Variants in ATRNL1 observed in about 807,000 individuals in gnomAD.
ATRNL1 encodes the protein attractin-like protein 1.
In ATRNL1, 95 loss-of-function variants were observed where a neutral mutation model predicts 182.7. The ratio of observed to expected loss-of-function variants is 0.52; its 90% CI spans 0.44 to 0.62. ATRNL1 has a LOEUF of 0.62. Ranked by LOEUF, ATRNL1 falls within the 20% of genes least tolerant of loss-of-function variation. The probability of loss-of-function intolerance (pLI) is 0.00; values close to 1 mark genes in which losing one functional copy is unlikely to be tolerated. For missense variants in ATRNL1, 1,471 were observed against 1,679.5 expected (o/e 0.88, Z 2.17); for synonymous variants, 576 against 568.3 (o/e 1.01, Z -0.19).
chr10:115,582,113 G>T (rs1375812057), intron 26 of ATRNL1, among the ~76,000 whole-genome samples: 1 of 151,952 alleles, frequency 6.6e-6, no homozygotes, highest in Non-Finnish European at 1.5e-5. Context: ...CATGGTGTAT[G>T]TGTGCCACAT....
chr10:115,780,462 T>G (rs1314383096), intron 27 of ATRNL1, among the ~76,000 whole-genome samples: 1 of 152,124 alleles, frequency 6.6e-6, no homozygotes, highest in Non-Finnish European at 1.5e-5. Context: ...CAGGACCTAG[T>G]GAGACACTAG....
intron 28 of ATRNL1, among the ~76,000 whole-genome samples, chr10:115,940,996 G>C (rs544122504): frequency 6.6e-6 from 1 of 152,164 alleles, no homozygotes; most frequent in Non-Finnish European, 1.5e-5. Flanking sequence ...GCCACAAGCC[G>C]TGGGGTCCAG....
At chr10:115,335,355 A>T (rs1564926556) in intron 19 of ATRNL1, among the ~76,000 whole-genome samples, 4 of 151,646 alleles carry the variant, frequency 2.6e-5, no homozygotes, top group African/African-American at 9.7e-5. Context: ...TGGTTAGATA[A>T]TTTTTTTTTA....
At chr10:115,111,135 T>G (rs1285405778) in intron 1 of ATRNL1, among the ~76,000 whole-genome samples, 3 of 152,192 alleles carry the variant, frequency 2.0e-5, no homozygotes, top group Non-Finnish European at 4.4e-5. Context: ...GGGAAGAGAT[T>G]GATCTTATCA....
intron 26 of ATRNL1, among the ~76,000 whole-genome samples, chr10:115,611,253 T>C (rs1347512527): frequency 6.6e-5 from 10 of 152,106 alleles, no homozygotes; most frequent in Non-Finnish European, 1.5e-4. Context: ...TCGTATCTAA[T>C]GTGCAATCCT....
intron 8 of ATRNL1, among the ~76,000 whole-genome samples, chr10:115,172,179 G>A (rs1847320823): frequency 6.6e-6 from 1 of 151,954 alleles, no homozygotes; most frequent in African/African-American, 2.4e-5. Flanking sequence ...TTCAAGTGAT[G>A]GCTGTTTTTG....
chr10:115,510,934 G>A (rs11592415), intron 24 of ATRNL1, among the ~76,000 whole-genome samples: 24,747 of 151,916 alleles, frequency 0.16, 2,537 homozygotes, highest in South Asian at 0.25. Flanking sequence ...TTAAGTTTGT[G>A]TATTAAACCA....
chr10:115,456,277 A>G (rs945111680), intron 21 of ATRNL1, among the ~76,000 whole-genome samples: 5 of 152,220 alleles, frequency 3.3e-5, no homozygotes, highest in Admixed American at 3.3e-4. Flanking sequence ...GATGTGGCAC[A>G]TATACACCAT....
intron 14 of ATRNL1, among the ~76,000 whole-genome samples, chr10:115,282,497 A>G (rs1380909138): frequency 6.7e-6 from 1 of 148,850 alleles, no homozygotes; most frequent in Non-Finnish European, 1.5e-5. Flanking sequence ...ATGTGCTTTT[A>G]TGAGAATCCG....
At chr10:115,342,159 G>GT (rs1457063242) in intron 19 of ATRNL1, among the ~76,000 whole-genome samples, 1 of 151,638 alleles carries the variant, frequency 6.6e-6, no homozygotes, top group African/African-American at 2.4e-5. Flanking sequence ...TGTGTATCTT[G>GT]TTTTTTTGTT....
chr10:115,690,311 G>C (rs782751054), intron 26 of ATRNL1, among the ~76,000 whole-genome samples: 3 of 152,064 alleles, frequency 2.0e-5, no homozygotes, highest in Non-Finnish European at 4.4e-5. Flanking sequence ...ATACTTTCAG[G>C]ATGAAACTGT....
intron 21 of ATRNL1, among the ~76,000 whole-genome samples, chr10:115,429,253 T>C (rs1846040489): frequency 6.6e-6 from 1 of 152,180 alleles, no homozygotes; most frequent in Non-Finnish European, 1.5e-5. Flanking sequence ...CGTTTTAGTA[T>C]ATTGATCTTA....
chr10:115,444,704 A>ATTATT (rs1370770907), intron 21 of ATRNL1, among the ~76,000 whole-genome samples: 15 of 151,420 alleles, frequency 9.9e-5, no homozygotes, highest in African/African-American at 1.2e-4. Context: ...TTTACCTGAA[A>ATTATT]TTATTTTATT....
chr10:115,479,284 A>G (rs782639009), intron 24 of ATRNL1, among the ~76,000 whole-genome samples: 3 of 151,628 alleles, frequency 2.0e-5, no homozygotes, highest in Non-Finnish European at 4.4e-5. Flanking sequence ...TCTTATATCT[A>G]TGAATGGAAT....
chr10:115,800,853 T>C (rs1406668302), intron 27 of ATRNL1, among the ~76,000 whole-genome samples: 2 of 152,040 alleles, frequency 1.3e-5, no homozygotes, highest in African/African-American at 4.8e-5. Context: ...GATCTAGGAC[T>C]TCCCAGCCTC....
intron 26 of ATRNL1, among the ~76,000 whole-genome samples, chr10:115,635,330 A>AAG (rs1421377121): frequency 6.6e-6 from 1 of 152,080 alleles, no homozygotes; most frequent in African/African-American, 2.4e-5. Flanking sequence ...AAAAAAAAAA[A>AAG]AAAATTGAAC....
At position 115,301,068 on chromosome 10, in the gene ATRNL1, A is replaced by G. The variant is rs568372980; in HGVS notation, c.2630-787A>G. Among the ~76,000 whole-genome samples the G allele has an allele frequency of 2.6e-5, 4 of 152,198 alleles. No homozygotes were observed. The East Asian group carries it at 5.8e-4, about 22-fold the overall frequency. On this transcript the variant is annotated intron_variant, in intron 16 of 28. Transcript: ENST00000355044. ...TTAACCAAGTTGTAGGATATATGAG[A>G]ATTTCCTTCCTTTTTAAGGTTGACC...
At chr10:115,145,190 A>T (rs1845919810) in intron 5 of ATRNL1, among the ~76,000 whole-genome samples, 1 of 152,192 alleles carries the variant, frequency 6.6e-6, no homozygotes, top group South Asian at 2.1e-4. Flanking sequence ...GGAGTTTTCA[A>T]AATGTGTGGT....
intron 12 of ATRNL1, 127 bp from the exon 13 acceptor site, chr10:115,268,199 T>C (rs1353379557): frequency 4.7e-6 from 3 of 636,280 alleles, no homozygotes; most frequent in Non-Finnish European, 8.4e-6. Flanking sequence ...ACTTTGAAAT[T>C]GAAGGTCATT....
Sources: gnomAD v4.1 joint callset for allele counts (sites outside exome capture counted in the v4.1 genomes callset) on GRCh38, gnomAD v4.1.1 for gene constraint, MANE v1.5 for transcripts, NCBI Gene and HGNC (gene_info 2026-07-23, HGNC 2026-07-21) for gene names.